The following ZW10 variants were observed in gnomAD, a reference collection of about 807,000 sequenced individuals.
ZW10 encodes the protein centromere/kinetochore protein zw10 homolog.
Under a neutral mutation model 87.8 loss-of-function variants are expected in ZW10, and 53 were observed. The observed-to-expected ratio is 0.60, with a 90% confidence interval of 0.48 to 0.76. The LOEUF (loss-of-function observed/expected upper bound fraction) is 0.76. Among genes scored for constraint, ZW10 ranks in the 30% least tolerant of loss-of-function variants. The pLI is 0.00. For synonymous variants in ZW10, 312 were observed against 329.2 expected (o/e 0.95, Z 0.57); for missense variants, 837 against 923.0 (o/e 0.91, Z 1.21).
intron 2 of ZW10, among the ~76,000 whole-genome samples, chr11:113,768,472 T>G (rs576183016): frequency 6.6e-6 from 1 of 152,196 alleles, no homozygotes; most frequent in Non-Finnish European, 1.5e-5. Context: ...ACTATTGATA[T>G]TGACTCCCTA....
In ZW10 at chr11:113,741,714, A is replaced by G. The variant is rs529318137; in HGVS notation, c.1563T>C (p.Asp521=). ...CTTACTTGTGATATGTTGGTACAACATCATGGAACAAATGGAAGATATTCC... is the reference window on the plus strand; with the variant it reads ...CTTACTTGTGATATGTTGGTACAACGTCATGGAACAAATGGAAGATATTCC... ...SVRNIFHLFH[D]VVPTYHKENL... Residue 521 remains aspartate (D), a synonymous_variant, in exon 11 of 16, where the codon GAT becomes GAC. Transcript: ENST00000200135. 6.2e-6 allele frequency: 10 copies of G among 1,607,802 alleles called. No individual in the cohort carries two copies. In the South Asian group the frequency reaches 1.1e-4, roughly 18 times the overall value.
intron 11 of ZW10, among the ~76,000 whole-genome samples, chr11:113,739,845 C>G (rs1360907304): frequency 6.6e-6 from 1 of 152,078 alleles, no homozygotes. Flanking sequence ...TTTAAAAAAC[C>G]ACAGATGTTT....
At chr11:113,749,964 ACATTGTAATGT>A (rs1467336339) in intron 7 of ZW10, among the ~76,000 whole-genome samples, 1 of 152,208 alleles carries the variant, frequency 6.6e-6, no homozygotes, top group African/African-American at 2.4e-5. Context: ...CACTAACATA[ACATTGTAATGT>A]GTTTATTTGA....
chr11:113,734,805 A>AG (rs1306226573), intron 15 of ZW10, among the ~76,000 whole-genome samples: 3 of 55,414 alleles, frequency 5.4e-5, no homozygotes, highest in Admixed American at 4.4e-4. Flanking sequence ...ACTCTGTCTC[A>AG]AAAAAAAAAA....
chr11:113,743,252 C>T (rs2134871223), intron 10 of ZW10, among the ~76,000 whole-genome samples: 1 of 152,248 alleles, frequency 6.6e-6, no homozygotes, highest in East Asian at 1.9e-4. Context: ...ATTGTTATTG[C>T]TTCAAATATA....
rs564542696 is a variant in ZW10 at position 113,733,750 on chromosome 11, G to T, written c.2284C>A (p.Arg762Ser). Residue 762 changes from arginine (R) to serine (S), a missense_variant, in exon 16 of 16, where the codon CGT (arginine) becomes AGT (serine). Coordinates refer to ENST00000200135, the MANE Select transcript of ZW10 (RefSeq NM_004724.4). ...FSSSEVKALI[R>S]ALFQNTERRA... The stretch of plus-strand genomic sequence containing the variant: ...CTTTCTGTGTTCTGAAACAAGGCAC[G>T]AATTAAAGCTTTTACTTCACTGGAA... 8 of 1,613,970 alleles carry T rather than the reference G, an allele frequency of 5.0e-6. No homozygotes were observed. The South Asian group carries it at 6.6e-5, about 13-fold the overall frequency.
Position 113,738,392 on chromosome 11 carries a change from TC to T in ZW10, c.1755del (p.Thr586GlnfsTer48). 1.2e-6 allele frequency: 2 copies of T among 1,608,618 alleles called. No individual in the cohort carries two copies. The highest frequency in any genetic ancestry group is 1.3e-5 in the African/African-American group (1 of 74,536). On this transcript the variant is annotated frameshift_variant and splice_region_variant, in exon 13 of 16. Coordinates refer to ENST00000200135, the MANE Select transcript of ZW10 (RefSeq NM_004724.4). LOFTEE classifies it high-confidence loss of function. ...CGCATTTGGGCCAAAAAGCATTCTG[TC>T]CCTATGATGGAAAAACAGAATAAAA... ...VDLVPGFRRL[G>X]TECFLAQMRA...
In ZW10 at chr11:113,748,340, C is replaced by T; in HGVS notation, c.1006G>A (p.Glu336Lys). 6.2e-7 allele frequency: 1 copy of T among 1,613,786 alleles called. No homozygotes were observed. The highest frequency in any genetic ancestry group is 2.2e-5 in the East Asian group (1 of 44,858). ...TTGATGAGGCACTCAGACAAGTCCT[C>T]CCAGATCATGTCTCCAAGCATCTCA... The part of the protein sequence containing the change: ...LAEMLGDMIW[E>K]DLSECLIKNC... Residue 336 changes from glutamate to lysine, a missense_variant, in exon 8 of 16, where the codon GAG (glutamate) becomes AAG (lysine). Coordinates refer to ENST00000200135, the MANE Select transcript of ZW10 (RefSeq NM_004724.4).
At chr11:113,750,273 A>T (rs1246563498) in intron 7 of ZW10, among the ~76,000 whole-genome samples, 1 of 152,106 alleles carries the variant, frequency 6.6e-6, no homozygotes, top group Non-Finnish European at 1.5e-5. Flanking sequence ...AAACAAAAAA[A>T]GCTGCTTGCT....
rs1380060558 is a variant in ZW10 at position 113,733,877 on chromosome 11, A to C, written c.2220-63T>G. 6.0e-6 allele frequency: 9 copies of C among 1,510,194 alleles called. No homozygotes were observed. In the East Asian group the frequency reaches 2.1e-4, roughly 35 times the overall value. 93.5% of individuals were successfully genotyped at this position (1,510,194 alleles called of 1,614,324 possible). A position where few individuals can be genotyped will look rare whatever the true frequency, so the allele number is the denominator to read the frequency against. The stretch of plus-strand genomic sequence containing the variant: ...TCTCTGAAGTATAAGCAAGACTTAA[A>C]AATTGCCTGTTTGATCCAAATGCTT... On this transcript the variant is annotated intron_variant, in intron 15 of 15. Coordinates refer to ENST00000200135, the MANE Select transcript of ZW10 (RefSeq NM_004724.4).
At chr11:113,740,414 C>T (rs570952918) in intron 11 of ZW10, among the ~76,000 whole-genome samples, 27 of 152,104 alleles carry the variant, frequency 1.8e-4, no homozygotes, top group Middle Eastern at 3.4e-3. Flanking sequence ...CATATACAGA[C>T]CCTATCATTA....
At chr11:113,748,814 T>G (rs1432628003) in intron 7 of ZW10, among the ~76,000 whole-genome samples, 1 of 152,214 alleles carries the variant, frequency 6.6e-6, no homozygotes, top group East Asian at 1.9e-4. Flanking sequence ...CTGCATAGAA[T>G]CTGAGTGTTT....
intron 7 of ZW10, among the ~76,000 whole-genome samples, chr11:113,754,071 A>G (rs541114910): frequency 4.6e-5 from 7 of 152,326 alleles, no homozygotes; most frequent in Non-Finnish European, 1.0e-4. Flanking sequence ...TTGAACTTTT[A>G]TTGCTAGACA....
intron 7 of ZW10, among the ~76,000 whole-genome samples, chr11:113,755,653 TA>T (rs149213583): frequency 0.069 from 10,558 of 152,254 alleles, 466 homozygotes; most frequent in Middle Eastern, 0.14. Context: ...AAAGTTCTAC[TA>T]GGGGTAAAAT....
chr11:113,746,888 C>T (rs923407963), intron 9 of ZW10, among the ~76,000 whole-genome samples: 2 of 152,144 alleles, frequency 1.3e-5, no homozygotes, highest in Non-Finnish European at 2.9e-5. Context: ...TTGCAGTCCA[C>T]TGTAAGGCTA....
At chr11:113,741,035 T>C (rs1953610957) in intron 11 of ZW10, among the ~76,000 whole-genome samples, 2 of 151,794 alleles carry the variant, frequency 1.3e-5, no homozygotes, top group Non-Finnish European at 2.9e-5. Context: ...AATAAGCTTT[T>C]ATAATAAAAA....
At chr11:113,741,484 A>G (rs1953618112) in intron 11 of ZW10, among the ~76,000 whole-genome samples, 1 of 152,266 alleles carries the variant, frequency 6.6e-6, no homozygotes, top group Admixed American at 6.5e-5. Flanking sequence ...TGCATCATGA[A>G]CTACACTGCA....
chr11:113,759,922 C>T (rs1184308556), intron 5 of ZW10, among the ~76,000 whole-genome samples: 1 of 152,150 alleles, frequency 6.6e-6, no homozygotes, highest in African/African-American at 2.4e-5. Flanking sequence ...TTGCTATCAT[C>T]TCCTCTAGCA....
intron 7 of ZW10, among the ~76,000 whole-genome samples, chr11:113,753,931 C>T (rs1953757668): frequency 6.6e-6 from 1 of 152,212 alleles, no homozygotes; most frequent in Non-Finnish European, 1.5e-5. Context: ...GGTGAAGCAG[C>T]AAGTGCCAAT....
Sources: allele counts gnomAD v4.1 joint callset (sites outside exome capture counted in the v4.1 genomes callset), GRCh38; gene constraint gnomAD v4.1.1; transcripts MANE v1.5; gene names NCBI Gene and HGNC (gene_info 2026-07-23, HGNC 2026-07-21).